CCND1: variants seen among roughly 807,000 people sequenced by gnomAD.
The protein encoded by CCND1 is G1/S-specific cyclin-D1.
In CCND1, 9 loss-of-function variants were observed where a neutral mutation model predicts 26.1. The observed-to-expected ratio is 0.35, with a 90% CI of 0.21 to 0.60. CCND1 has a LOEUF of 0.60. Among genes scored for constraint, CCND1 ranks in the 20% least tolerant of loss-of-function variants. The pLI, the probability that CCND1 is intolerant of heterozygous loss-of-function variation, is 0.79. For missense variants in CCND1, 335 were observed against 392.9 expected, an observed-to-expected ratio of 0.85 and a Z score of 1.25; for synonymous variants, 194 against 166.1, an observed-to-expected ratio of 1.17 and a Z score of -1.29.
chr11:69,642,499 G>A (rs1188977456), intron 1 of CCND1, among the ~76,000 whole-genome samples: 1 of 152,184 alleles, frequency 6.6e-6, no homozygotes, highest in East Asian at 1.9e-4. Context: ...CCAACCCCCG[G>A]CCTGGGTAAA....
rs888626655 is a variant in CCND1 at position 69,652,873 on chromosome 11, GA to G, written c.*1598del. On this transcript the variant is annotated 3_prime_UTR_variant, in exon 5 of 5. Transcript: ENST00000227507. ...TAAAGATAGATCCTTTTATAGGTGA[GA>G]AAAAAACAATCTGGAAGAAAAAAAC... 1.2e-5 allele frequency: 3 copies of G among 260,674 alleles called. No homozygotes were observed. Among genetic ancestry groups the G allele is most frequent in the African/African-American group, 4.4e-5 (2 of 45,872 alleles). 16.1% of individuals were successfully genotyped at this position (260,674 alleles called of 1,614,324 possible). A position where few individuals can be genotyped will look rare whatever the true frequency, so the allele number is the denominator to read the frequency against.
At position 69,653,391 on chromosome 11, in the gene CCND1, ACATTGTATTACAGATGC is replaced by A. The variant is rs1855880103; in HGVS notation, c.*2111_*2127del. The A allele has an allele frequency of 1.5e-6, 1 of 666,244 alleles. No individual in the cohort carries two copies. Among genetic ancestry groups the A allele is most frequent in the Non-Finnish European group, 2.7e-6 (1 of 374,138 alleles). 41.3% of individuals were successfully genotyped at this position (666,244 alleles called of 1,614,324 possible). On this transcript the variant is annotated 3_prime_UTR_variant, in exon 5 of 5. Coordinates refer to ENST00000227507, the MANE Select transcript of CCND1 (RefSeq NM_053056.3). The stretch of plus-strand genomic sequence containing the variant: ...GTACTAGTTTTAGTTTTCTCTTAGA[ACATTGTATTACAGATGC>A]CTTTTTTGTAGTTTTTTTTTTTTTT...
At position 69,647,992 on chromosome 11, in the gene CCND1, A is replaced by G. The variant is rs2120108554; in HGVS notation, c.575-2A>G. ...CTCCTTCCCTCTCTCCTTCTGCCTC[A>G]GATGTGAAGTTCATTTCCAATCCGC... On this transcript the variant is annotated splice_acceptor_variant, in intron 3 of 4. Coordinates refer to ENST00000227507, the MANE Select transcript of CCND1 (RefSeq NM_053056.3). LOFTEE classifies it high-confidence loss of function. 6.2e-7 allele frequency: 1 copy of G among 1,613,808 alleles called. No homozygotes were observed. The highest frequency in any genetic ancestry group is 8.5e-7 in the Non-Finnish European group (1 of 1,179,986).
chr11:69,645,641 C>T (rs1431182839), intron 3 of CCND1, among the ~76,000 whole-genome samples: 1 of 152,230 alleles, frequency 6.6e-6, no homozygotes, highest in Non-Finnish European at 1.5e-5. Context: ...CGTAACTGAG[C>T]AGCCAGTGCC....
chr11:69,646,299 G>C (rs1489829135), intron 3 of CCND1, among the ~76,000 whole-genome samples: 1 of 152,228 alleles, frequency 6.6e-6, no homozygotes, highest in Non-Finnish European at 1.5e-5. Context: ...GGCTCGGCTC[G>C]TTAAGGATTT....
At chr11:69,644,026 G>A (rs2120095744) in intron 3 of CCND1, 35 bp downstream of exon 3, 1 of 1,610,516 alleles carries the variant, frequency 6.2e-7, no homozygotes, top group Non-Finnish European at 8.5e-7. Context: ...GCCTCCCCTT[G>A]AGAGCCGGCT....
intron 3 of CCND1, among the ~76,000 whole-genome samples, chr11:69,645,055 G>A (rs1223899605): frequency 2.6e-5 from 4 of 152,188 alleles, no homozygotes; most frequent in Non-Finnish European, 5.9e-5. Flanking sequence ...TGGTTTAGGC[G>A]TGAGGCCTCC....
At chr11:69,642,118 T>G (rs1590912724) in intron 1 of CCND1, among the ~76,000 whole-genome samples, 1 of 150,100 alleles carries the variant, frequency 6.7e-6, no homozygotes. Context: ...GCGGCATGGG[T>G]AGTTTTGGGG....
chr11:69,642,925 C>A (rs950388751), intron 1 of CCND1, 106 bp from the exon 2 acceptor site: 3 of 701,546 alleles, frequency 4.3e-6, no homozygotes, highest in African/African-American at 3.8e-5. Context: ...GACCCCTCGG[C>A]GCCCTCCAGA....
At chr11:69,646,006 T>A (rs1191569214) in intron 3 of CCND1, among the ~76,000 whole-genome samples, 1 of 152,078 alleles carries the variant, frequency 6.6e-6, no homozygotes, top group Non-Finnish European at 1.5e-5. Context: ...ATCCTGGAGC[T>A]TTGGTGTCTA....
intron 2 of CCND1, 184 bp downstream of exon 2, chr11:69,643,430 G>T (rs1391923054): frequency 2.0e-6 from 1 of 508,956 alleles, no homozygotes; most frequent in Non-Finnish European, 3.4e-6. Flanking sequence ...CCCTCGTCCC[G>T]CCGCCCTGTG....
At chr11:69,649,858 G>A (rs988703775) in intron 4 of CCND1, among the ~76,000 whole-genome samples, 2 of 152,198 alleles carry the variant, frequency 1.3e-5, no homozygotes, top group African/African-American at 2.4e-5. Context: ...TAGGTTGAAC[G>A]TCAGGAGTCT....
At chr11:69,643,791 G>A (rs1855743339) in intron 2 of CCND1, 41 bp from the exon 3 acceptor site, 1 of 1,574,706 alleles carries the variant, frequency 6.4e-7, no homozygotes, top group African/African-American at 1.3e-5. Flanking sequence ...CCCCGGGCTG[G>A]CCCGCACCTC....
In CCND1 at chr11:69,641,310, A is replaced by G. The variant is rs1379943115; in HGVS notation, c.-4A>G. On this transcript the variant is annotated 5_prime_UTR_variant, in exon 1 of 5. Transcript: ENST00000227507. ...TCCCCAGCTGCCCAGGAAGAGCCCC[A>G]GCCATGGAACACCAGCTCCTGTGCT... The G allele has an allele frequency of 6.2e-7, 1 of 1,610,610 alleles. No homozygotes were observed. The highest frequency in any genetic ancestry group is 8.5e-7 in the Non-Finnish European group (1 of 1,179,848).
chr11:69,653,098 T>G lies in CCND1; in HGVS notation c.*1816T>G. ...GCTATGTAATTCTTGTAATTTTTAT[T>G]TAGGAAGTGTTGAAGGGAGGTGGCA... is the stretch of plus-strand genomic sequence containing the variant. On this transcript the variant is annotated 3_prime_UTR_variant, in exon 5 of 5. Coordinates refer to ENST00000227507, the MANE Select transcript of CCND1 (RefSeq NM_053056.3). 1 of 531,450 alleles carries G rather than the reference T, an allele frequency of 1.9e-6. No homozygotes were observed. Among genetic ancestry groups the G allele is most frequent in the Non-Finnish European group, 3.3e-6 (1 of 302,046 alleles). 32.9% of individuals were successfully genotyped at this position (531,450 alleles called of 1,614,324 possible). A position where few individuals can be genotyped will look rare whatever the true frequency, so the allele number is the denominator to read the frequency against.
At position 69,651,123 on chromosome 11, in the gene CCND1, C is replaced by A. The variant is rs751129742; in HGVS notation, c.729C>A (p.Cys243Ter). The A allele has an allele frequency of 6.2e-7, 1 of 1,612,554 alleles. No individual in the cohort carries two copies. Among genetic ancestry groups the A allele is most frequent in the Non-Finnish European group, 8.5e-7 (1 of 1,179,274 alleles). ...CCCCACCCTCTCTCTCTCAGGACTG[C>A]CTCCGGGCCTGCCAGGAGCAGATCG... ...LSRVIKCDPD[C>*]LRACQEQIEA... Residue 243 changes from cysteine to a stop codon, truncating the protein, a stop_gained, in exon 5 of 5, where the codon TGC (cysteine) becomes TGA (stop). Coordinates refer to ENST00000227507, the MANE Select transcript of CCND1 (RefSeq NM_053056.3). LOFTEE classifies it high-confidence loss of function.
intron 1 of CCND1, 94 bp downstream of exon 1, chr11:69,641,605 G>A: frequency 8.1e-7 from 1 of 1,234,094 alleles, no homozygotes; most frequent in Non-Finnish European, 1.2e-6. Context: ...CTTCTCTCCC[G>A]CTAGAACTTT....
chr11:69,648,591 C>A (rs997768349), intron 4 of CCND1, among the ~76,000 whole-genome samples: 1 of 152,266 alleles, frequency 6.6e-6, no homozygotes, highest in Non-Finnish European at 1.5e-5. Flanking sequence ...TTGTTGTTTA[C>A]GGCCTCTTTG....
intron 3 of CCND1, among the ~76,000 whole-genome samples, chr11:69,645,068 C>T (rs1043444441): frequency 6.6e-6 from 1 of 152,172 alleles, no homozygotes; most frequent in Non-Finnish European, 1.5e-5. Flanking sequence ...AGGCCTCCCC[C>T]ACCTCCTCCA....
Sources: gnomAD v4.1 joint callset for allele counts (sites outside exome capture counted in the v4.1 genomes callset) on GRCh38, gnomAD v4.1.1 for gene constraint, MANE v1.5 for transcripts, NCBI Gene and HGNC (gene_info 2026-07-23, HGNC 2026-07-21) for gene names.